The following ERBB4 variants were observed in gnomAD, a reference collection of about 807,000 sequenced individuals.
The protein encoded by ERBB4 is receptor tyrosine-protein kinase erbB-4.
In ERBB4, 42 loss-of-function variants were observed where a neutral mutation model predicts 158.0. The observed-to-expected ratio is 0.27, with a 90% CI of 0.21 to 0.34. The LOEUF (loss-of-function observed/expected upper bound fraction) is 0.34, where lower values mean the gene tolerates loss of function less well. ERBB4 is among the 10% of genes least tolerant of loss of function. ERBB4 has a pLI of 1.00. For synonymous variants in ERBB4, 583 were observed against 558.7 expected (o/e 1.04, Z -0.61); for missense variants, 1,333 against 1,624.1 (o/e 0.82, Z 3.08).
chr2:211,994,134 T>C (rs938411948), intron 2 of ERBB4, among the ~76,000 whole-genome samples: 2 of 152,060 alleles, frequency 1.3e-5, no homozygotes, highest in Non-Finnish European at 2.9e-5. Flanking sequence ...CTATCATCTA[T>C]CTATCTGTCT....
chr2:212,192,624 T>C (rs1421321699), intron 1 of ERBB4, among the ~76,000 whole-genome samples: 2 of 152,098 alleles, frequency 1.3e-5, no homozygotes, highest in Admixed American at 1.3e-4. Flanking sequence ...CCTTTCCTTA[T>C]CTTTCATGGT....
rs187372589 is a variant in ERBB4 at position 211,746,635 on chromosome 2, C to T, written c.622+4004G>A. Among the ~76,000 whole-genome samples the T allele has an allele frequency of 3.5e-3, 530 of 152,082 alleles. 1 individual carries two copies. The highest frequency in any genetic ancestry group is 0.012 in the African/African-American group (512 of 41,472). ...CCTGAGGTCAGGAGTTCAAGACCAG[C>T]CTGACCAACATGGCGAAACCCCGTC... On this transcript the variant is annotated intron_variant, in intron 5 of 27. Coordinates refer to ENST00000342788, the MANE Select transcript of ERBB4 (RefSeq NM_005235.3).
intron 3 of ERBB4, among the ~76,000 whole-genome samples, chr2:211,889,911 G>A (rs2078917768): frequency 7.1e-6 from 1 of 139,988 alleles, no homozygotes; most frequent in Non-Finnish European, 1.5e-5. Flanking sequence ...TATGTGAAAA[G>A]ACCAAATCTA....
intron 3 of ERBB4, among the ~76,000 whole-genome samples, chr2:211,878,886 G>C (rs1021448882): frequency 1.3e-5 from 2 of 152,058 alleles, no homozygotes; most frequent in Non-Finnish European, 2.9e-5. Context: ...TTTTTGACTA[G>C]AGAAAGTCTT....
At chr2:211,878,970 G>T (rs1193291788) in intron 3 of ERBB4, among the ~76,000 whole-genome samples, 1 of 152,098 alleles carries the variant, frequency 6.6e-6, no homozygotes, top group Non-Finnish European at 1.5e-5. Context: ...TCTCCTAGGT[G>T]CTTTTACATG....
chr2:211,789,986 T>C (rs2076245118), intron 3 of ERBB4, among the ~76,000 whole-genome samples: 1 of 151,790 alleles, frequency 6.6e-6, no homozygotes, highest in Non-Finnish European at 1.5e-5. Flanking sequence ...ATTTTGTCGG[T>C]GAGGAAAAAA....
intron 4 of ERBB4, among the ~76,000 whole-genome samples, chr2:211,771,882 T>C (rs1390171634): frequency 6.6e-6 from 1 of 152,180 alleles, no homozygotes; most frequent in Non-Finnish European, 1.5e-5. Context: ...ACAGGGCTGT[T>C]CATATTCACA....
At chr2:211,640,773 AAGAC>A (rs2070550801) in intron 16 of ERBB4, among the ~76,000 whole-genome samples, 1 of 152,166 alleles carries the variant, frequency 6.6e-6, no homozygotes, top group Non-Finnish European at 1.5e-5. Context: ...GTAATAGTGA[AAGAC>A]AGATTAGGAA....
At chr2:211,944,680 T>C (rs573484708) in intron 3 of ERBB4, among the ~76,000 whole-genome samples, 78 of 152,288 alleles carry the variant, frequency 5.1e-4, no homozygotes, top group Non-Finnish European at 7.5e-4. Flanking sequence ...TACCATTTCT[T>C]GGTAACATAC....
In ERBB4 at chr2:212,291,369, G is replaced by C. The variant is rs80154500; in HGVS notation, c.83-166466C>G. ...GATAGTCCTGAATATATTTTAATCAGCTTTAGCATAATCCTATCATGTATT... is the reference window on the plus strand; with the variant it reads ...GATAGTCCTGAATATATTTTAATCACCTTTAGCATAATCCTATCATGTATT... On this transcript the variant is annotated intron_variant, in intron 1 of 27. Transcript: ENST00000342788. Among the ~76,000 whole-genome samples, 434 of 152,094 alleles carry C rather than the reference G, an allele frequency of 2.9e-3. 2 individuals are homozygous for C. Among genetic ancestry groups the C allele is most frequent in the African/African-American group, 0.01 (419 of 41,514 alleles).
At chr2:212,425,641 G>GA (rs1452491481) in intron 1 of ERBB4, among the ~76,000 whole-genome samples, 1 of 151,716 alleles carries the variant, frequency 6.6e-6, no homozygotes, top group African/African-American at 2.4e-5. Flanking sequence ...CAGATCTTAG[G>GA]AAAATTACAG....
intron 1 of ERBB4, chr2:212,125,190 TA>T (rs1299493372): frequency 3.4e-6 from 1 of 297,000 alleles, no homozygotes; most frequent in Non-Finnish European, 6.3e-6. Flanking sequence ...ATAAAGCAAG[TA>T]AATACATTTA....
At chr2:212,267,598 T>TTTTTTTTTTTC (rs1553607808) in intron 1 of ERBB4, among the ~76,000 whole-genome samples, 20 of 134,748 alleles carry the variant, frequency 1.5e-4, no homozygotes, top group Admixed American at 6.0e-4. Context: ...TTCTCATTTC[T>TTTTTTTTTTTC]TTTTTTTTTT....
At chr2:211,441,605 C>T (rs1281126708) in intron 20 of ERBB4, among the ~76,000 whole-genome samples, 1 of 152,110 alleles carries the variant, frequency 6.6e-6, no homozygotes, top group Non-Finnish European at 1.5e-5. Flanking sequence ...GTTGAACCCA[C>T]AGTTGAAGCT....
chr2:212,128,007 G>T (rs1052019111), intron 1 of ERBB4, among the ~76,000 whole-genome samples: 4 of 152,074 alleles, frequency 2.6e-5, no homozygotes, highest in Non-Finnish European at 4.4e-5. Context: ...GTTACTATTT[G>T]TCTCTAAATT....
At chr2:212,287,100 AG>A (rs2086019598) in intron 1 of ERBB4, among the ~76,000 whole-genome samples, 1 of 151,958 alleles carries the variant, frequency 6.6e-6, no homozygotes, top group Non-Finnish European at 1.5e-5. Flanking sequence ...ATCAGCATGT[AG>A]CCCCCTCCAG....
intron 7 of ERBB4, among the ~76,000 whole-genome samples, chr2:211,720,518 AT>A (rs2106115495): frequency 6.6e-6 from 1 of 152,268 alleles, no homozygotes; most frequent in East Asian, 1.9e-4. Flanking sequence ...CTTTTCTTAA[AT>A]TTTTGTGTCC....
At chr2:212,286,606 T>TTGTTTTGTTTTG (rs1215902216) in intron 1 of ERBB4, among the ~76,000 whole-genome samples, 4 of 128,194 alleles carry the variant, frequency 3.1e-5, no homozygotes, top group Non-Finnish European at 5.0e-5. Flanking sequence ...TTTTTTTTTT[T>TTGTTTTGTTTTG]TTTTTTTTTT....
intron 3 of ERBB4, among the ~76,000 whole-genome samples, chr2:211,846,378 G>T (rs572502576): frequency 1.3e-5 from 2 of 152,156 alleles, no homozygotes; most frequent in African/African-American, 4.8e-5. Context: ...TGTTCTGTTA[G>T]GCTGGGTATT....
Sources: gnomAD v4.1 joint callset for allele counts (sites outside exome capture counted in the v4.1 genomes callset) on GRCh38, gnomAD v4.1.1 for gene constraint, MANE v1.5 for transcripts, NCBI Gene and HGNC (gene_info 2026-07-23, HGNC 2026-07-21) for gene names.